Variants in NIBAN1 observed in about 807,000 individuals in gnomAD.
NIBAN1 encodes the protein protein Niban 1.
A neutral mutation model predicts 75.1 loss-of-function variants in NIBAN1; 81 were observed. That is an observed-to-expected ratio of 1.08 (90% CI 0.90 to 1.30). The LOEUF is 1.30. NIBAN1 is among the 50% of genes most tolerant of loss of function. The probability of loss-of-function intolerance (pLI) is 0.00; values close to 1 mark genes in which losing one functional copy is unlikely to be tolerated. For synonymous variants in NIBAN1, 436 were observed against 424.8 expected (o/e 1.03, Z -0.32); for missense variants, 1,133 against 1,128.1 (o/e 1.00, Z -0.06).
At chr1:184,883,589 T>C (rs1026825665) in intron 5 of NIBAN1, among the ~76,000 whole-genome samples, 1 of 152,220 alleles carries the variant, frequency 6.6e-6, no homozygotes, top group Non-Finnish European at 1.5e-5. Context: ...TCTTTTACTA[T>C]TGATGTCACA....
At chr1:184,965,274 G>A (rs988434227) in intron 1 of NIBAN1, among the ~76,000 whole-genome samples, 10 of 151,746 alleles carry the variant, frequency 6.6e-5, no homozygotes, top group African/African-American at 2.4e-4. Context: ...ACTCCAGCCT[G>A]GGCAACAGAG....
chr1:184,955,260 T>A (rs1406309765), intron 1 of NIBAN1, among the ~76,000 whole-genome samples: 1 of 152,026 alleles, frequency 6.6e-6, no homozygotes, highest in East Asian at 1.9e-4. Context: ...CCCTAATGGC[T>A]GCTGCAATGG....
chr1:184,825,067 T>G (rs1409074509), intron 6 of NIBAN1, among the ~76,000 whole-genome samples: 1 of 152,226 alleles, frequency 6.6e-6, no homozygotes, highest in Non-Finnish European at 1.5e-5. Flanking sequence ...CAGGTGGCCA[T>G]CTGGACCTTC....
chr1:184,830,183 A>C (rs192257088), intron 6 of NIBAN1, among the ~76,000 whole-genome samples: 1 of 152,348 alleles, frequency 6.6e-6, no homozygotes, highest in Non-Finnish European at 1.5e-5. Flanking sequence ...TGCCTTACCC[A>C]TCTCATAAGA....
chr1:184,914,635 G>T (rs536900644), intron 1 of NIBAN1, among the ~76,000 whole-genome samples: 19 of 152,000 alleles, frequency 1.3e-4, no homozygotes, highest in African/African-American at 4.3e-4. Context: ...GATACATATG[G>T]GTAGTAACAT....
chr1:184,929,722 G>A (rs756145098), intron 1 of NIBAN1, among the ~76,000 whole-genome samples: 1 of 151,964 alleles, frequency 6.6e-6, no homozygotes, highest in Non-Finnish European at 1.5e-5. Context: ...TTTTCTTAAT[G>A]TAACAATAAA....
chr1:184,948,085 C>T (rs947995151), intron 1 of NIBAN1, among the ~76,000 whole-genome samples: 1 of 151,854 alleles, frequency 6.6e-6, no homozygotes, highest in Non-Finnish European at 1.5e-5. Context: ...TCAACCTACT[C>T]CCAGATAAGC....
intron 11 of NIBAN1, 91 bp downstream of exon 11, chr1:184,805,855 C>G: frequency 1.0e-6 from 1 of 979,750 alleles, no homozygotes; most frequent in Non-Finnish European, 1.6e-6. Flanking sequence ...AGATTAGAGC[C>G]AAGGAGAGAA....
intron 1 of NIBAN1, among the ~76,000 whole-genome samples, chr1:184,913,154 T>TATTATATATATATATATAA (rs1553227228): frequency 1.4e-5 from 2 of 146,650 alleles, no homozygotes; most frequent in Admixed American, 6.8e-5. Flanking sequence ...TATATATATA[T>TATTATATATATATATATAA]TATATATATA....
chr1:184,795,653 G>T lies in NIBAN1; in HGVS notation c.2111C>A (p.Thr704Asn), dbSNP rs777411540. 13 of 1,614,218 alleles carry T rather than the reference G, an allele frequency of 8.1e-6. No individual in the cohort carries two copies. The highest frequency in any genetic ancestry group is 1.6e-4 in the Middle Eastern group (1 of 6,062). The change falls in exon 14 of 14, where the codon ACT becomes AAT. Residue 704 changes from threonine to asparagine, a missense_variant. Thr to Asn is a moderately conservative substitution (Grantham distance 65). Transcript: ENST00000367511. Reference sequence around the variant, plus strand: ...GAGCGCCTTCAAAGAACCCGAGGCAGTGATGGGTTCTGGCTCTTCCTGGGC... The same window carrying T: ...GAGCGCCTTCAAAGAACCCGAGGCATTGATGGGTTCTGGCTCTTCCTGGGC... ...EPAQEEPEPI[T>N]ASGSLKALRK...
intron 6 of NIBAN1, among the ~76,000 whole-genome samples, chr1:184,826,347 C>T (rs184460907): frequency 2.0e-5 from 3 of 152,292 alleles, no homozygotes; most frequent in East Asian, 3.8e-4. Context: ...TAAGAGTAAC[C>T]TAACATGCAC....
At chr1:184,935,022 G>A (rs10797995) in intron 1 of NIBAN1, among the ~76,000 whole-genome samples, 60,539 of 152,150 alleles carry the variant, frequency 0.4, 13,812 homozygotes, top group South Asian at 0.51. Context: ...ATGAGCCGTG[G>A]TCACACCACT....
Position 184,894,224 on chromosome 1 carries a change from C to T in NIBAN1, c.187-18G>A. The T allele has an allele frequency of 6.3e-7, 1 of 1,583,956 alleles. No homozygotes were observed. The highest frequency in any genetic ancestry group is 1.9e-5 in the Admixed American group (1 of 53,496). On this transcript the variant is annotated intron_variant, in intron 2 of 13. Transcript: ENST00000367511. ...AATGGTGGCTTAAAGAAGATGAATA[C>T]AATTAACTATCACAACAAAAGATAA...
At chr1:184,952,713 A>C (rs1213279392) in intron 1 of NIBAN1, among the ~76,000 whole-genome samples, 1 of 152,248 alleles carries the variant, frequency 6.6e-6, no homozygotes, top group African/African-American at 2.4e-5. Context: ...AATGCTGCAA[A>C]TTAAGGTTTA....
At chr1:184,832,076 G>T in intron 5 of NIBAN1, 114 bp from the exon 6 acceptor site, 2 of 743,014 alleles carry the variant, frequency 2.7e-6, no homozygotes, top group Non-Finnish European at 4.6e-6. Context: ...CAAGGCATGG[G>T]ATTATAAGAC....
At chr1:184,961,693 C>G (rs187647947) in intron 1 of NIBAN1, among the ~76,000 whole-genome samples, 2 of 152,274 alleles carry the variant, frequency 1.3e-5, no homozygotes, top group African/African-American at 4.8e-5. Context: ...ATTGGTCTAA[C>G]CAAATCATGA....
chr1:184,956,227 A>G (rs1424837301), intron 1 of NIBAN1, among the ~76,000 whole-genome samples: 1 of 151,956 alleles, frequency 6.6e-6, no homozygotes, highest in Non-Finnish European at 1.5e-5. Context: ...AGGTCTCACT[A>G]TGTTGCCCAG....
intron 1 of NIBAN1, among the ~76,000 whole-genome samples, chr1:184,901,909 T>A (rs1656965917): frequency 6.6e-6 from 1 of 152,222 alleles, no homozygotes; most frequent in African/African-American, 2.4e-5. Context: ...ATCTAATAAC[T>A]AGTTCAAACT....
At chr1:184,960,201 T>C (rs1453027100) in intron 1 of NIBAN1, among the ~76,000 whole-genome samples, 1 of 152,206 alleles carries the variant, frequency 6.6e-6, no homozygotes, top group Non-Finnish European at 1.5e-5. Context: ...TTAATAACAA[T>C]AATTGAAATG....
Sources: gnomAD v4.1 joint callset for allele counts (sites outside exome capture counted in the v4.1 genomes callset) on GRCh38, gnomAD v4.1.1 for gene constraint, MANE v1.5 for transcripts, NCBI Gene and HGNC (gene_info 2026-07-23, HGNC 2026-07-21) for gene names.